FGFR2: variants seen among roughly 807,000 people sequenced by gnomAD.
FGFR2 encodes BEK fibroblast growth factor receptor.
FGFR2 carries 19 observed loss-of-function variants against 95.9 expected under a neutral mutation model. The observed-to-expected ratio is 0.20, with a 90% confidence interval of 0.14 to 0.29. The LOEUF (loss-of-function observed/expected upper bound fraction) is 0.29, where lower values mean the gene tolerates loss of function less well. Among genes scored for constraint, FGFR2 ranks in the 10% least tolerant of loss-of-function variants. FGFR2 has a pLI of 1.00. For synonymous variants in FGFR2, 392 were observed against 393.3 expected (o/e 1.00, Z 0.04); for missense variants, 707 against 1,056.9 (o/e 0.67, Z 4.59).
In FGFR2 at chr10:121,515,357, G is replaced by A. The variant is rs750873434; in HGVS notation, c.1085-38C>T. 7 of 1,594,438 alleles carry A rather than the reference G, an allele frequency of 4.4e-6. No homozygotes were observed. In the African/African-American group the frequency reaches 8.1e-5, roughly 18 times the overall value. On this transcript the variant is annotated intron_variant, in intron 8 of 17. Coordinates refer to ENST00000358487, the MANE Select transcript of FGFR2 (RefSeq NM_000141.5). ...TCACAGGAGGAGGAACAGATAAGCA[G>A]GCCATAGAGTTAGCACACCAGACTG...
At chr10:121,512,274 C>T (rs1849149286) in intron 9 of FGFR2, among the ~76,000 whole-genome samples, 1 of 152,172 alleles carries the variant, frequency 6.6e-6, no homozygotes. Context: ...GTCCAATAAC[C>T]CTCTTTTATC....
chr10:121,580,625 A>G (rs1860706556), intron 2 of FGFR2, among the ~76,000 whole-genome samples: 1 of 152,194 alleles, frequency 6.6e-6, no homozygotes, highest in Admixed American at 6.5e-5. Flanking sequence ...CGCAGGACCC[A>G]AGGAAGGCAG....
In FGFR2 at chr10:121,593,768, G is replaced by A. The variant is rs766435280; in HGVS notation, c.50C>T (p.Thr17Ile). 2 of 1,614,204 alleles carry A rather than the reference G, an allele frequency of 1.2e-6. No homozygotes were observed. Among genetic ancestry groups the A allele is most frequent in the African/African-American group, 2.7e-5 (2 of 75,058 alleles). ...GAAGGAGGGCCGGGCCAGGGACAAG[G>A]TTGCCATGGTGACCACGACCAGGCA... ...FICLVVVTMA[T>I]LSLARPSFSL... Residue 17 changes from threonine to isoleucine, a missense_variant, in exon 2 of 18, where the codon ACC becomes ATC. Thr to Ile is a moderately conservative substitution (Grantham distance 89). Around this residue, in one of 7 missense-constraint regions of FGFR2, gnomAD observed 178 missense variants for 194.1 expected, o/e 0.92. Transcript: ENST00000358487.
chr10:121,500,724 C>G (rs769328011), intron 11 of FGFR2, 102 bp downstream of exon 11: 89 of 1,530,774 alleles, frequency 5.8e-5, no homozygotes, highest in Non-Finnish European at 7.7e-5. Flanking sequence ...ACTATGTGCT[C>G]TCTGACCCCG....
At chr10:121,510,001 C>T (rs1246398900) in intron 9 of FGFR2, among the ~76,000 whole-genome samples, 1 of 152,154 alleles carries the variant, frequency 6.6e-6, no homozygotes, top group Non-Finnish European at 1.5e-5. Context: ...GAACACGAGG[C>T]TGGCATTAAC....
intron 2 of FGFR2, among the ~76,000 whole-genome samples, chr10:121,574,558 TA>T (rs750636240): frequency 4.0e-4 from 60 of 150,844 alleles, no homozygotes; most frequent in Admixed American, 9.2e-4. Flanking sequence ...ATAATTAAAT[TA>T]AAAAATAAAG....
At chr10:121,586,260 G>A (rs760085089) in intron 2 of FGFR2, among the ~76,000 whole-genome samples, 5 of 152,196 alleles carry the variant, frequency 3.3e-5, no homozygotes, top group African/African-American at 1.2e-4. Flanking sequence ...CTCCAAGAAA[G>A]GCGCTACATA....
At chr10:121,572,265 C>T (rs1454006523) in intron 2 of FGFR2, among the ~76,000 whole-genome samples, 3 of 151,890 alleles carry the variant, frequency 2.0e-5, no homozygotes, top group East Asian at 3.9e-4. Flanking sequence ...CTGCACTGAG[C>T]TATGATCGCG....
chr10:121,579,511 T>G (rs1456174560), intron 2 of FGFR2, among the ~76,000 whole-genome samples: 1 of 151,162 alleles, frequency 6.6e-6, no homozygotes, highest in Non-Finnish European at 1.5e-5. Flanking sequence ...ACTAAACATC[T>G]GAAGATTTTG....
At chr10:121,583,749 C>T (rs1861317967) in intron 2 of FGFR2, among the ~76,000 whole-genome samples, 1 of 135,004 alleles carries the variant, frequency 7.4e-6, no homozygotes, top group Non-Finnish European at 1.6e-5. Flanking sequence ...GGGGTCACCA[C>T]ATTCTCCAGC....
chr10:121,549,658 C>T (rs987059616), intron 5 of FGFR2, among the ~76,000 whole-genome samples: 4 of 152,190 alleles, frequency 2.6e-5, no homozygotes, highest in East Asian at 1.9e-4. Context: ...CTTTGCTCAA[C>T]CTGATGACAG....
At chr10:121,579,995 C>T (rs1431203575) in intron 2 of FGFR2, among the ~76,000 whole-genome samples, 1 of 152,166 alleles carries the variant, frequency 6.6e-6, no homozygotes, top group Non-Finnish European at 1.5e-5. Flanking sequence ...TGTAAACATT[C>T]AATAAATGGT....
At chr10:121,547,725 C>T (rs760487523) in intron 5 of FGFR2, among the ~76,000 whole-genome samples, 6 of 152,090 alleles carry the variant, frequency 3.9e-5, no homozygotes, top group Admixed American at 1.3e-4. Context: ...ACGTAGGTAA[C>T]GAAGAAAATA....
chr10:121,527,359 A>G (rs1851514744), intron 6 of FGFR2, among the ~76,000 whole-genome samples: 1 of 152,176 alleles, frequency 6.6e-6, no homozygotes, highest in African/African-American at 2.4e-5. Flanking sequence ...CTGCCTTCAA[A>G]AAGTTTCACC....
At chr10:121,595,821 G>A (rs922328593) in intron 1 of FGFR2, among the ~76,000 whole-genome samples, 3 of 152,216 alleles carry the variant, frequency 2.0e-5, no homozygotes, top group African/African-American at 7.2e-5. Flanking sequence ...AAGGTGGACA[G>A]GGCGCTCCGC....
In FGFR2 at chr10:121,505,539, A is replaced by G. The variant is rs1848155277; in HGVS notation, c.1288-1598T>C. On this transcript the variant is annotated intron_variant, in intron 9 of 17. Transcript: ENST00000358487. ...TGTGGAGCTGAGATCCTCACACCCAAGTGTCTGGGTTGCACAAGCAAATGG... is the reference window on the plus strand; with the variant it reads ...TGTGGAGCTGAGATCCTCACACCCAGGTGTCTGGGTTGCACAAGCAAATGG... Among the ~76,000 whole-genome samples, 6 of 152,306 alleles carry G rather than the reference A, an allele frequency of 3.9e-5. 1 individual carries two copies. In the South Asian group the frequency reaches 1.2e-3, roughly 32 times the overall value.
At chr10:121,545,776 C>T (rs144164867) in intron 5 of FGFR2, among the ~76,000 whole-genome samples, 2 of 152,292 alleles carry the variant, frequency 1.3e-5, no homozygotes, top group East Asian at 3.9e-4. Flanking sequence ...TTAACCTATG[C>T]TTCAAAACAA....
At chr10:121,490,263 A>AC (rs1049829428) in intron 13 of FGFR2, among the ~76,000 whole-genome samples, 2 of 148,386 alleles carry the variant, frequency 1.3e-5, no homozygotes, top group Non-Finnish European at 3.0e-5. Flanking sequence ...TCCCAGGTTC[A>AC]AGTGATTCTC....
At chr10:121,487,273 A>C in intron 15 of FGFR2, 81 bp downstream of exon 15, 1 of 1,139,986 alleles carries the variant, frequency 8.8e-7, no homozygotes, top group Admixed American at 1.8e-5. Flanking sequence ...GCAGCCACTA[A>C]AGAAGGAAGA....
Sources: gnomAD v4.1 joint callset for allele counts (sites outside exome capture counted in the v4.1 genomes callset) on GRCh38, gnomAD v4.1.1 for gene constraint, gnomAD v4.1.1 regional missense constraint, MANE v1.5 for transcripts, NCBI Gene and HGNC (gene_info 2026-07-23, HGNC 2026-07-21) for gene names.